Variants in CYFIP1 observed in about 807,000 individuals in gnomAD.
CYFIP1 encodes cytoplasmic FMR1 interacting protein 1, also known as cytoplasmic FMR1-interacting protein 1.
CYFIP1 carries 58 observed loss-of-function variants against 163.5 expected under a neutral mutation model. That is an observed-to-expected ratio of 0.35 (90% CI 0.29 to 0.44). The LOEUF is 0.44. CYFIP1 is among the 20% of genes least tolerant of loss of function. The pLI is 1.00. For synonymous variants in CYFIP1, 663 were observed against 660.7 expected, an observed-to-expected ratio of 1.00 and a Z score of -0.05; for missense variants, 1,338 against 1,653.8, an observed-to-expected ratio of 0.81 and a Z score of 3.31.
At chr15:22,937,596 C>CTTTTTTTTTTTTTTTTT (rs919893437) in intron 8 of CYFIP1, among the ~76,000 whole-genome samples, 1 of 143,746 alleles carries the variant, frequency 7.0e-6, no homozygotes. Flanking sequence ...ACTAAAAATT[C>CTTTTTTTTTTTTTTTTT]TTTTTTTGTT....
At chr15:22,980,032 G>A (rs1336436416) in intron 1 of CYFIP1, among the ~76,000 whole-genome samples, 3 of 151,952 alleles carry the variant, frequency 2.0e-5, no homozygotes, top group Non-Finnish European at 4.4e-5. Context: ...CGGGGGCGCA[G>A]GGACCGGGAA....
intron 13 of CYFIP1, among the ~76,000 whole-genome samples, chr15:22,920,909 A>C (rs1482812705): frequency 1.3e-5 from 2 of 152,218 alleles, no homozygotes; most frequent in African/African-American, 4.8e-5. Context: ...TAACAATCCT[A>C]CATATTCACA....
intron 1 of CYFIP1, among the ~76,000 whole-genome samples, chr15:22,976,928 G>T (rs1024349778): frequency 6.6e-6 from 1 of 152,162 alleles, no homozygotes; most frequent in African/African-American, 2.4e-5. Flanking sequence ...GGCCGGGCCC[G>T]GTGGCTCACG....
chr15:22,890,361 T>C lies in CYFIP1; in HGVS notation c.2676+2529A>G, dbSNP rs998979685. Among the ~76,000 whole-genome samples, 4 of 148,150 alleles carry C rather than the reference T, an allele frequency of 2.7e-5. 1 individual carries two copies. The South Asian group carries it at 8.6e-4, about 32-fold the overall frequency. On this transcript the variant is annotated intron_variant, in intron 23 of 30. Transcript: ENST00000617928. The stretch of plus-strand genomic sequence containing the variant: ...ACTTCAATCCTTGCTAGAAAGAACA[T>C]GGGAGTATCACATGGAGCAGAATGG...
chr15:22,952,958 CA>C (rs1268052972), intron 1 of CYFIP1, among the ~76,000 whole-genome samples: 1 of 152,198 alleles, frequency 6.6e-6, no homozygotes, highest in African/African-American at 2.4e-5. Flanking sequence ...CTATTCTTCA[CA>C]TTTTCATATT....
chr15:22,926,131 G>A (rs779711960), intron 12 of CYFIP1, 24 bp from the exon 13 acceptor site: 1 of 1,613,810 alleles, frequency 6.2e-7, no homozygotes, highest in Non-Finnish European at 8.5e-7. Flanking sequence ...AAGAGCAGAG[G>A]TGTTCCATAT....
intron 16 of CYFIP1, among the ~76,000 whole-genome samples, chr15:22,915,709 A>G (rs900107166): frequency 1.1e-4 from 17 of 152,130 alleles, no homozygotes; most frequent in African/African-American, 4.1e-4. Flanking sequence ...AGATCGCCCC[A>G]CTGTACTCTA....
At chr15:22,878,576 A>C (rs12050696) in intron 26 of CYFIP1, among the ~76,000 whole-genome samples, 1 of 152,096 alleles carries the variant, frequency 6.6e-6, no homozygotes, top group African/African-American at 2.4e-5. Flanking sequence ...CAAAGCTTCA[A>C]ATCTTTAGAT....
chr15:22,932,078 T>G, intron 11 of CYFIP1, 145 bp downstream of exon 11: 1 of 609,926 alleles, frequency 1.6e-6, no homozygotes, highest in East Asian at 2.9e-5. Context: ...ATGACACATT[T>G]GTCAGAACCT....
intron 22 of CYFIP1, among the ~76,000 whole-genome samples, chr15:22,901,565 T>G (rs1270380830): frequency 1.3e-5 from 2 of 152,202 alleles, no homozygotes; most frequent in Non-Finnish European, 2.9e-5. Context: ...AATACCCTTC[T>G]GCCAGCTTCT....
intron 20 of CYFIP1, among the ~76,000 whole-genome samples, chr15:22,909,907 G>A (rs1257667660): frequency 6.6e-6 from 1 of 152,112 alleles, no homozygotes; most frequent in Non-Finnish European, 1.5e-5. Context: ...ACTCTGAGCT[G>A]ATGAGTGCTT....
chr15:22,887,648 T>C (rs1453655534), intron 23 of CYFIP1, among the ~76,000 whole-genome samples: 2 of 152,114 alleles, frequency 1.3e-5, no homozygotes, highest in Non-Finnish European at 2.9e-5. Context: ...GGTTTCCCAG[T>C]AGACTAAGCT....
Position 22,947,234 on chromosome 15 carries a change from C to G in CYFIP1, c.52G>C (p.Glu18Gln). ...EDALSNVDLL[E>Q]ELPLPDQQPC... is the part of the protein sequence containing the mutation. ...TGCTGGTCGGGCAGGGGCAGCTCCTCCAGGAGGTCCACGTTGGACAGCGCG... is the reference window on the plus strand; with the variant it reads ...TGCTGGTCGGGCAGGGGCAGCTCCTGCAGGAGGTCCACGTTGGACAGCGCG... The change falls in exon 2 of 31, where the codon GAG becomes CAG. Residue 18 changes from glutamate to glutamine, a missense_variant. Physicochemically the swap from Glu to Gln is conservative, Grantham distance 29. Transcript: ENST00000617928. 6.2e-7 allele frequency: 1 copy of G among 1,613,944 alleles called. No individual in the cohort carries two copies. Among genetic ancestry groups the G allele is most frequent in the Non-Finnish European group, 8.5e-7 (1 of 1,179,956 alleles).
rs754301835 is a variant in CYFIP1 at position 22,978,103 on chromosome 15, G to A, written c.-7+2184C>T. ...ACAGTGGCTCATGCCTGTAATACCA[G>A]CACTTTGGGAGGCTGAGGCGGGCAG... On this transcript the variant is annotated intron_variant, in intron 1 of 30. Transcript: ENST00000617928. Among the ~76,000 whole-genome samples the A allele has an allele frequency of 2.0e-5, 3 of 151,642 alleles. 1 individual carries two copies. The highest frequency in any genetic ancestry group is 4.4e-5 in the Non-Finnish European group (3 of 67,964).
rs142345874 is a variant in CYFIP1, at chr15:22,950,208, C to T, written c.-6-2917G>A. 3.7e-3 allele frequency among the ~76,000 whole-genome samples: 570 copies of T among 152,240 alleles called. 3 individuals are homozygous for T. The highest frequency in any genetic ancestry group is 0.013 in the African/African-American group (539 of 41,548). ...CACCAATTAGAAGAGGTTGTCAGAA[C>T]AGATAAATAAAATCCTAACCCAACC... On this transcript the variant is annotated intron_variant, in intron 1 of 30. Coordinates refer to ENST00000617928, the MANE Select transcript of CYFIP1 (RefSeq NM_014608.6).
chr15:22,945,609 T>C (rs1049302715), intron 3 of CYFIP1, among the ~76,000 whole-genome samples: 20 of 152,072 alleles, frequency 1.3e-4, no homozygotes, highest in Non-Finnish European at 2.5e-4. Flanking sequence ...AGTCTTGCTC[T>C]GTCCCCCAGG....
Position 22,868,052 on chromosome 15 carries a change from C to T in CYFIP1, c.*1976G>A, listed in dbSNP as rs887545776. 7.9e-5 allele frequency: 12 copies of T among 152,364 alleles called. No individual in the cohort carries two copies. The highest frequency in any genetic ancestry group is 2.9e-4 in the African/African-American group (12 of 41,584). The allele number at this position is 152,364 out of a possible 1,614,324, so 9.4% of individuals were successfully genotyped here. On this transcript the variant is annotated 3_prime_UTR_variant, in exon 31 of 31. Transcript: ENST00000617928. ...GCCTGTTCCAGCCTGTGGCTCCTGC[C>T]TGGAGGTTACCCAGTGGTGCGCCAG...
At chr15:22,874,441 C>T (rs1373785862) in intron 28 of CYFIP1, 109 bp downstream of exon 28, 20 of 733,896 alleles carry the variant, frequency 2.7e-5, no homozygotes, top group Non-Finnish European at 3.3e-5. Context: ...TGAGCAGCCA[C>T]GCAGCCGCTG....
chr15:22,874,673 TC>T, intron 27 of CYFIP1, 29 bp from the exon 28 acceptor site: 1 of 1,490,708 alleles, frequency 6.7e-7, no homozygotes, highest in South Asian at 1.3e-5. Context: ...TTTACTATAT[TC>T]TGCTCCTTTG....
Sources: allele counts gnomAD v4.1 joint callset (sites outside exome capture counted in the v4.1 genomes callset), GRCh38; gene constraint gnomAD v4.1.1; transcripts MANE v1.5; gene names NCBI Gene and HGNC (gene_info 2026-07-23, HGNC 2026-07-21).